EPHX4: variants seen among roughly 807,000 people sequenced by gnomAD.
The protein encoded by EPHX4 is epoxide hydrolase 4.
Under a neutral mutation model 44.9 loss-of-function variants are expected in EPHX4, and 31 were observed. The observed-to-expected ratio is 0.69, with a 90% CI of 0.52 to 0.93. EPHX4 has a LOEUF of 0.93. Ranked by LOEUF, EPHX4 falls within the 40% of genes least tolerant of loss-of-function variation. EPHX4 has a pLI of 0.00. For missense variants in EPHX4, 373 were observed against 438.1 expected (o/e 0.85, Z 1.33); for synonymous variants, 151 against 159.7 (o/e 0.95, Z 0.41).
chr1:92,050,696 G>T (rs1236756285), intron 5 of EPHX4, among the ~76,000 whole-genome samples: 1 of 151,472 alleles, frequency 6.6e-6, no homozygotes, highest in Admixed American at 6.6e-5. Context: ...CAAATATCAG[G>T]TTTAATAGCA....
At chr1:92,049,158 C>G (rs759267640) in intron 4 of EPHX4, among the ~76,000 whole-genome samples, 6 of 152,124 alleles carry the variant, frequency 3.9e-5, no homozygotes, top group African/African-American at 7.2e-5. Flanking sequence ...TCTGACTCAT[C>G]ATATACCATC....
At chr1:92,034,923 T>A (rs1688415000) in intron 2 of EPHX4, among the ~76,000 whole-genome samples, 1 of 152,126 alleles carries the variant, frequency 6.6e-6, no homozygotes, top group Non-Finnish European at 1.5e-5. Context: ...GGATTACAGG[T>A]GTGAGCCACT....
At chr1:92,039,513 C>G (rs1205641434) in intron 2 of EPHX4, among the ~76,000 whole-genome samples, 1 of 151,990 alleles carries the variant, frequency 6.6e-6, no homozygotes, top group Non-Finnish European at 1.5e-5. Flanking sequence ...TTAAGTAAGG[C>G]AAATCAGAAA....
intron 4 of EPHX4, among the ~76,000 whole-genome samples, chr1:92,047,682 A>G (rs1439687528): frequency 1.3e-5 from 2 of 152,226 alleles, no homozygotes; most frequent in African/African-American, 4.8e-5. Context: ...GAAGAATAGG[A>G]TGACTACTAG....
At chr1:92,059,858 G>GTT (rs35027584) in intron 6 of EPHX4, among the ~76,000 whole-genome samples, 3 of 146,836 alleles carry the variant, frequency 2.0e-5, no homozygotes, top group Non-Finnish European at 3.0e-5. Context: ...CAGTAGAGAA[G>GTT]TTTTTTTTTT....
Position 92,045,578 on chromosome 1 carries a change from T to C in EPHX4, c.522T>C (p.Ile174=). ...TTGGCCATGACTGGGGGGGCATGATTGCTTGGCTAATTGCCATCTGTTATC... is the reference window on the plus strand; with the variant it reads ...TTGGCCATGACTGGGGGGGCATGATCGCTTGGCTAATTGCCATCTGTTATC... ...VLIGHDWGGM[I]AWLIAICYPE... The change falls in exon 4 of 7, where the codon ATT becomes ATC. Residue 174 remains isoleucine (I), a synonymous_variant. Coordinates refer to ENST00000370383, the MANE Select transcript of EPHX4 (RefSeq NM_173567.5). 2 of 1,614,112 alleles carry C rather than the reference T, an allele frequency of 1.2e-6. No individual in the cohort carries two copies. Among genetic ancestry groups the C allele is most frequent in the East Asian group, 4.5e-5 (2 of 44,860 alleles).
intron 6 of EPHX4, among the ~76,000 whole-genome samples, chr1:92,054,795 A>G (rs538116530): frequency 6.0e-4 from 92 of 152,180 alleles, no homozygotes; most frequent in African/African-American, 2.2e-3. Flanking sequence ...CTTCTAGAAA[A>G]TGAAAAATAT....
chr1:92,041,698 G>A (rs967701693), intron 2 of EPHX4, among the ~76,000 whole-genome samples: 3 of 152,104 alleles, frequency 2.0e-5, no homozygotes, highest in Non-Finnish European at 2.9e-5. Context: ...ACTGTTCATA[G>A]TACAGATTCC....
At chr1:92,038,510 G>A (rs1467755904) in intron 2 of EPHX4, among the ~76,000 whole-genome samples, 2 of 152,186 alleles carry the variant, frequency 1.3e-5, no homozygotes, top group Non-Finnish European at 2.9e-5. Context: ...ACAGGGGCTA[G>A]ATATTCTCAT....
chr1:92,052,288 T>C (rs886469592), intron 5 of EPHX4, among the ~76,000 whole-genome samples: 3 of 151,798 alleles, frequency 2.0e-5, no homozygotes, highest in African/African-American at 7.3e-5. Context: ...AAAAATGCAG[T>C]GTGCAGGGGG....
intron 6 of EPHX4, among the ~76,000 whole-genome samples, chr1:92,055,783 G>A (rs1320773295): frequency 1.3e-5 from 2 of 151,970 alleles, no homozygotes; most frequent in African/African-American, 4.8e-5. Flanking sequence ...CTTAATTTTG[G>A]ATAGGAGACG....
In EPHX4 at chr1:92,041,525, G is replaced by T. The variant is rs550352790; in HGVS notation, c.318-1298G>T. ...ATTTTTTCAATCAGAGAATCAAATG[G>T]TTCTGCAATACAGAAGCATTTTACT... On this transcript the variant is annotated intron_variant, in intron 2 of 6. Coordinates refer to ENST00000370383, the MANE Select transcript of EPHX4 (RefSeq NM_173567.5). Among the ~76,000 whole-genome samples, 3 of 152,216 alleles carry T rather than the reference G, an allele frequency of 2.0e-5. No individual in the cohort carries two copies. In the South Asian group the frequency reaches 6.2e-4, roughly 32 times the overall value.
At chr1:92,046,288 G>A (rs1688580197) in intron 4 of EPHX4, among the ~76,000 whole-genome samples, 1 of 152,002 alleles carries the variant, frequency 6.6e-6, no homozygotes, top group Admixed American at 6.6e-5. Flanking sequence ...TTACATTTTT[G>A]CAAATCTCTT....
chr1:92,063,424 G>T lies in EPHX4; in HGVS notation c.*138G>T. On this transcript the variant is annotated 3_prime_UTR_variant, in exon 7 of 7. Coordinates refer to ENST00000370383, the MANE Select transcript of EPHX4 (RefSeq NM_173567.5). ...TCATAAATAAATATCCTGACAAATG[G>T]TATTGAAAAAAATCTGAGATCATGT... 1 of 608,142 alleles carries T rather than the reference G, an allele frequency of 1.6e-6. No individual in the cohort carries two copies. Among genetic ancestry groups the T allele is most frequent in the South Asian group, 2.6e-5 (1 of 38,520 alleles). The allele number at this position is 608,142 out of a possible 1,614,324, so 37.7% of individuals were successfully genotyped here.
At position 92,063,431 on chromosome 1, in the gene EPHX4, A is replaced by G. The variant is rs941564542; in HGVS notation, c.*145A>G. Reference sequence around the variant, plus strand: ...TAAATATCCTGACAAATGGTATTGAAAAAAATCTGAGATCATGTGAACATA... The same window carrying G: ...TAAATATCCTGACAAATGGTATTGAGAAAAATCTGAGATCATGTGAACATA... On this transcript the variant is annotated 3_prime_UTR_variant, in exon 7 of 7. Transcript: ENST00000370383. 6.4e-6 allele frequency: 4 copies of G among 623,822 alleles called. No individual in the cohort carries two copies. The Admixed American group carries it at 9.4e-5, about 15-fold the overall frequency. 38.6% of individuals were successfully genotyped at this position (623,822 alleles called of 1,614,324 possible). A position where few individuals can be genotyped will look rare whatever the true frequency, so the allele number is the denominator to read the frequency against.
intron 6 of EPHX4, among the ~76,000 whole-genome samples, chr1:92,053,797 T>C (rs6604076): frequency 0.012 from 1,752 of 152,272 alleles, 25 homozygotes; most frequent in African/African-American, 0.04. Flanking sequence ...CTAGTTTTTA[T>C]GGGAAAGTCA....
At chr1:92,047,625 T>C (rs1688600176) in intron 4 of EPHX4, among the ~76,000 whole-genome samples, 1 of 152,196 alleles carries the variant, frequency 6.6e-6, no homozygotes, top group Admixed American at 6.5e-5. Context: ...ATCCAGCACT[T>C]AATTAAATGT....
chr1:92,035,346 G>A (rs1307677069), intron 2 of EPHX4, among the ~76,000 whole-genome samples: 1 of 152,124 alleles, frequency 6.6e-6, no homozygotes, highest in Non-Finnish European at 1.5e-5. Flanking sequence ...ACATAGCATG[G>A]GCAGTACATT....
At chr1:92,033,027 C>T (rs1688383489) in intron 2 of EPHX4, among the ~76,000 whole-genome samples, 1 of 151,974 alleles carries the variant, frequency 6.6e-6, no homozygotes, top group Admixed American at 6.6e-5. Flanking sequence ...AAGCAGTCTT[C>T]CCACCTCAGC....
Sources: allele counts gnomAD v4.1 joint callset (sites outside exome capture counted in the v4.1 genomes callset), GRCh38; gene constraint gnomAD v4.1.1; transcripts MANE v1.5; gene names NCBI Gene and HGNC (gene_info 2026-07-23, HGNC 2026-07-21).